Variants in COL24A1 observed in about 807,000 individuals in gnomAD.
COL24A1 encodes collagen alpha-1(XXIV) chain.
COL24A1 carries 224 observed loss-of-function variants against 253.9 expected under a neutral mutation model. The ratio of observed to expected loss-of-function variants is 0.88; its 90% CI spans 0.79 to 0.99. COL24A1 has a LOEUF of 0.99. Among genes scored for constraint, COL24A1 ranks in the 50% least tolerant of loss-of-function variants. The pLI is 0.00. For synonymous variants in COL24A1, 685 were observed against 673.7 expected (o/e 1.02, Z -0.26); for missense variants, 2,131 against 2,068.5 (o/e 1.03, Z -0.59).
intron 19 of COL24A1, among the ~76,000 whole-genome samples, 181 bp from the exon 20 acceptor site, chr1:85,987,835 G>A (rs1029248815): frequency 2.6e-5 from 4 of 151,828 alleles, no homozygotes; most frequent in African/African-American, 9.7e-5. Flanking sequence ...CTTACAAAGT[G>A]TACTAAAATA....
chr1:85,784,044 A>C, intron 50 of COL24A1, 69 bp downstream of exon 50: 1 of 1,230,670 alleles, frequency 8.1e-7, no homozygotes, highest in Non-Finnish European at 1.2e-6. Context: ...CAAGTTACAG[A>C]CTATATTATT....
At chr1:86,099,937 TAA>T (rs67843034) in intron 5 of COL24A1, among the ~76,000 whole-genome samples, 4 of 148,450 alleles carry the variant, frequency 2.7e-5, no homozygotes, top group South Asian at 2.2e-4. Flanking sequence ...ATCTTTTTTT[TAA>T]AATTTTATTA....
rs565645586 is a variant in COL24A1, at chr1:85,810,028, G to A, written c.3951+6760C>T. Among the ~76,000 whole-genome samples, 51 of 151,570 alleles carry A rather than the reference G, an allele frequency of 3.4e-4. 1 individual carries two copies. The highest frequency in any genetic ancestry group is 1.2e-3 in the African/African-American group (51 of 41,308). On this transcript the variant is annotated intron_variant, in intron 47 of 59. Coordinates refer to ENST00000370571, the MANE Select transcript of COL24A1 (RefSeq NM_152890.7). Reference sequence around the variant, plus strand: ...TATCTCTCTGAATTTGATTATCCTAGGTGAGGAAGGAGGTCAGCAGCACTT... The same window carrying A: ...TATCTCTCTGAATTTGATTATCCTAAGTGAGGAAGGAGGTCAGCAGCACTT...
chr1:85,759,145 A>T (rs425357), intron 55 of COL24A1, among the ~76,000 whole-genome samples: 136,941 of 152,196 alleles, frequency 0.9, 62,342 homozygotes, highest in Non-Finnish European at 0.97. Context: ...TATGAGTCTA[A>T]TTTTTTATAG....
chr1:86,046,586 T>G (rs184424748), intron 12 of COL24A1, among the ~76,000 whole-genome samples: 1 of 152,286 alleles, frequency 6.6e-6, no homozygotes, highest in Admixed American at 6.5e-5. Context: ...GAGATAAGGG[T>G]TTTCCCACTG....
chr1:85,976,146 CAG>C (rs1027409769), intron 20 of COL24A1, among the ~76,000 whole-genome samples: 2 of 152,142 alleles, frequency 1.3e-5, no homozygotes, highest in African/African-American at 2.4e-5. Flanking sequence ...GGAACTGTTG[CAG>C]AGAGTAGCAC....
At chr1:85,820,919 CTTG>C (rs1373799280) in intron 45 of COL24A1, among the ~76,000 whole-genome samples, 3 of 152,154 alleles carry the variant, frequency 2.0e-5, no homozygotes, top group East Asian at 3.8e-4. Context: ...AATACAAACG[CTTG>C]TTTTTTGTTT....
intron 47 of COL24A1, among the ~76,000 whole-genome samples, chr1:85,794,370 C>T (rs1347732212): frequency 6.6e-6 from 1 of 152,058 alleles, no homozygotes; most frequent in Non-Finnish European, 1.5e-5. Flanking sequence ...AACTACTGAC[C>T]ACTCTTGAAG....
At position 86,150,125 on chromosome 1, in the gene COL24A1, A is replaced by T. The variant is rs6576805; in HGVS notation, c.57-3942T>A. ...ACCTTGTATATGTCTGAAATGCCCT[A>T]CCAGTCTCCACTTACCATTCTTAAG... On this transcript the variant is annotated intron_variant, in intron 1 of 59. Coordinates refer to ENST00000370571, the MANE Select transcript of COL24A1 (RefSeq NM_152890.7). Among the ~76,000 whole-genome samples the T allele has an allele frequency of 4.7e-3, 710 of 152,112 alleles. 11 individuals carry two copies. The East Asian group carries it at 0.049, about 11-fold the overall frequency.
At chr1:85,980,791 C>A (rs932276468) in intron 20 of COL24A1, among the ~76,000 whole-genome samples, 1 of 152,084 alleles carries the variant, frequency 6.6e-6, no homozygotes, top group African/African-American at 2.4e-5. Context: ...CACCTGTAGT[C>A]CCAGCTACTT....
At chr1:85,816,694 G>T in intron 47 of COL24A1, 94 bp downstream of exon 47, 1 of 1,052,026 alleles carries the variant, frequency 9.5e-7, no homozygotes, top group South Asian at 1.3e-5. Context: ...CTGAGCCAAT[G>T]CCAAAGCTAA....
chr1:86,134,486 A>G (rs1164539593), intron 2 of COL24A1, among the ~76,000 whole-genome samples: 1 of 142,596 alleles, frequency 7.0e-6, no homozygotes, highest in Non-Finnish European at 1.5e-5. Context: ...GTGGGCATTT[A>G]GTGCTATAAA....
At chr1:85,833,352 A>C (rs1461789614) in intron 43 of COL24A1, among the ~76,000 whole-genome samples, 1 of 152,334 alleles carries the variant, frequency 6.6e-6, no homozygotes, top group East Asian at 1.9e-4. Flanking sequence ...GCAGCCAAAA[A>C]ACACATGACA....
At chr1:85,851,685 G>A (rs763651738) in intron 37 of COL24A1, among the ~76,000 whole-genome samples, 3 of 152,066 alleles carry the variant, frequency 2.0e-5, no homozygotes, top group South Asian at 2.1e-4. Context: ...ATGGAAAAAC[G>A]TATAGCTACT....
At chr1:86,106,583 C>T (rs1357318500) in intron 5 of COL24A1, among the ~76,000 whole-genome samples, 1 of 152,102 alleles carries the variant, frequency 6.6e-6, no homozygotes, top group Non-Finnish European at 1.5e-5. Context: ...GTTCAAAGAT[C>T]TACAGCATAA....
At chr1:86,015,587 T>C (rs1696915428) in intron 19 of COL24A1, among the ~76,000 whole-genome samples, 1 of 152,106 alleles carries the variant, frequency 6.6e-6, no homozygotes, top group Non-Finnish European at 1.5e-5. Context: ...ACTGCAGTAA[T>C]AATAGGACAA....
At chr1:85,817,409 C>T (rs1673149889) in intron 46 of COL24A1, among the ~76,000 whole-genome samples, 1 of 151,954 alleles carries the variant, frequency 6.6e-6, no homozygotes, top group Non-Finnish European at 1.5e-5. Context: ...GCAAGGATCT[C>T]TGATCTGAAT....
At chr1:85,900,976 G>A (rs971223680) in intron 28 of COL24A1, among the ~76,000 whole-genome samples, 9 of 152,104 alleles carry the variant, frequency 5.9e-5, no homozygotes, top group Non-Finnish European at 1.3e-4. Context: ...AAGGGGAAAA[G>A]CTCCATGACA....
chr1:85,965,766 C>T (rs1486567847), intron 22 of COL24A1, among the ~76,000 whole-genome samples: 2 of 151,986 alleles, frequency 1.3e-5, no homozygotes, highest in African/African-American at 4.8e-5. Context: ...AAAAGTGTTC[C>T]AGGCAGAGGA....
Sources: gnomAD v4.1 joint callset for allele counts (sites outside exome capture counted in the v4.1 genomes callset) on GRCh38, gnomAD v4.1.1 for gene constraint, MANE v1.5 for transcripts, NCBI Gene and HGNC (gene_info 2026-07-23, HGNC 2026-07-21) for gene names.